The following SCAF8 variants were observed in gnomAD, a reference collection of about 807,000 sequenced individuals.
SCAF8 encodes the protein SR-related and CTD-associated factor 8.
SCAF8 carries 23 observed loss-of-function variants against 140.5 expected under a neutral mutation model. The ratio of observed to expected loss-of-function variants is 0.16; its 90% CI spans 0.12 to 0.23. The LOEUF (loss-of-function observed/expected upper bound fraction) is 0.23. Among genes scored for constraint, SCAF8 ranks in the 10% least tolerant of loss-of-function variants. The pLI is 1.00. For missense variants in SCAF8, 1,397 were observed against 1,555.7 expected, an observed-to-expected ratio of 0.90 and a Z score of 1.72; for synonymous variants, 575 against 528.9, an observed-to-expected ratio of 1.09 and a Z score of -1.20.
intron 1 of SCAF8, among the ~76,000 whole-genome samples, chr6:154,765,925 C>T (rs1449874761): frequency 2.0e-5 from 3 of 152,066 alleles, no homozygotes; most frequent in South Asian, 2.1e-4. Flanking sequence ...CGCCAACCCC[C>T]GTGTAGCTGA....
At chr6:154,817,103 T>C (rs1233305215) in intron 13 of SCAF8, among the ~76,000 whole-genome samples, 1 of 152,200 alleles carries the variant, frequency 6.6e-6, no homozygotes, top group Non-Finnish European at 1.5e-5. Flanking sequence ...CTGAAGTTTC[T>C]TTCTGATTTA....
rs1321002529 is a variant in SCAF8, at chr6:154,808,751, A to C, written c.1179A>C (p.Lys393Asn). 17 of 1,614,014 alleles carry C rather than the reference A, an allele frequency of 1.1e-5. No individual in the cohort carries two copies. The highest frequency in any genetic ancestry group is 1.4e-5 in the Non-Finnish European group (16 of 1,179,916). Residue 393 changes from lysine (K) to asparagine (N), a missense_variant, in exon 11 of 20, where the codon AAA (lysine) becomes AAC (asparagine). This residue lies in a region of SCAF8 where 339 missense variants were observed against 407.5 expected (regional missense o/e 0.83). Coordinates refer to ENST00000367178, the MANE Select transcript of SCAF8 (RefSeq NM_014892.5). ...EEEVFEQEAKKVAVRSRSRTH... is the reference protein window; with the variant it reads ...EEEVFEQEAKNVAVRSRSRTH... ...AGGTCTTTGAACAAGAAGCTAAGAAAGTGGCGGTTCGCTCAAGATCAAGAA... is the reference window on the plus strand; with the variant it reads ...AGGTCTTTGAACAAGAAGCTAAGAACGTGGCGGTTCGCTCAAGATCAAGAA...
intron 1 of SCAF8, among the ~76,000 whole-genome samples, chr6:154,752,973 T>C (rs901807455): frequency 1.3e-5 from 2 of 152,172 alleles, no homozygotes; most frequent in African/African-American, 4.8e-5. Context: ...AAGAACCAGT[T>C]TTAAGCAGTA....
chr6:154,823,540 T>C (rs975321079), intron 16 of SCAF8, among the ~76,000 whole-genome samples: 6 of 152,000 alleles, frequency 3.9e-5, no homozygotes, highest in Admixed American at 2.0e-4. Flanking sequence ...CCTGGTACGA[T>C]TGGATTTGGG....
intron 1 of SCAF8, among the ~76,000 whole-genome samples, chr6:154,735,639 G>A (rs905507848): frequency 7.3e-5 from 11 of 150,268 alleles, no homozygotes; most frequent in African/African-American, 2.7e-4. Context: ...TCAGTGTCCC[G>A]AGTAGCTGGG....
intron 1 of SCAF8, among the ~76,000 whole-genome samples, chr6:154,742,870 T>C (rs183103990): frequency 6.6e-6 from 1 of 152,350 alleles, no homozygotes; most frequent in Admixed American, 6.5e-5. Flanking sequence ...ATAGATTGAC[T>C]TGAAAGATGT....
At chr6:154,812,561 A>T (rs1473567601) in intron 12 of SCAF8, among the ~76,000 whole-genome samples, 5 of 152,120 alleles carry the variant, frequency 3.3e-5, no homozygotes, top group Admixed American at 3.3e-4. Context: ...AACTCTCCTT[A>T]TTCAAAAGCA....
chr6:154,823,015 A>G (rs1778464669), intron 16 of SCAF8, among the ~76,000 whole-genome samples: 1 of 152,194 alleles, frequency 6.6e-6, no homozygotes, highest in South Asian at 2.1e-4. Context: ...AGAATGAGAA[A>G]TTTGAGCAAT....
At chr6:154,757,308 T>C (rs1334942717) in intron 1 of SCAF8, among the ~76,000 whole-genome samples, 2 of 152,192 alleles carry the variant, frequency 1.3e-5, no homozygotes, top group African/African-American at 4.8e-5. Flanking sequence ...AAATATACTT[T>C]TTATACCTAT....
At chr6:154,758,924 A>G (rs971838735) in intron 1 of SCAF8, among the ~76,000 whole-genome samples, 2 of 152,076 alleles carry the variant, frequency 1.3e-5, no homozygotes, top group Non-Finnish European at 2.9e-5. Context: ...GGTTTCTCCT[A>G]GTGTTTTTCC....
intron 1 of SCAF8, among the ~76,000 whole-genome samples, chr6:154,765,653 A>T (rs1300760317): frequency 6.6e-6 from 1 of 151,476 alleles, no homozygotes; most frequent in Non-Finnish European, 1.5e-5. Context: ...GATAAAAAGT[A>T]AGCACCAAGC....
chr6:154,805,361 C>T lies in SCAF8; in HGVS notation c.864-8C>T, dbSNP rs1263407941. 3 of 1,528,888 alleles carry T rather than the reference C, an allele frequency of 2.0e-6. No homozygotes were observed. Among genetic ancestry groups the T allele is most frequent in the East Asian group, 2.3e-5 (1 of 44,266 alleles). 94.7% of individuals were successfully genotyped at this position (1,528,888 alleles called of 1,614,324 possible). On this transcript the variant is annotated splice_region_variant and splice_polypyrimidine_tract_variant and intron_variant, in intron 8 of 19. Transcript: ENST00000367178. ...TTAAAATATGTTTCCACCTGTTTTT[C>T]CTTTTAGTTCTCACGTTTCAGAATC...
chr6:154,828,157 G>C (rs1778623770), intron 18 of SCAF8, among the ~76,000 whole-genome samples: 1 of 152,170 alleles, frequency 6.6e-6, no homozygotes, highest in African/African-American at 2.4e-5. Flanking sequence ...TTCATCCATT[G>C]ATCATTGTTT....
At chr6:154,767,290 C>T (rs754735304) in intron 1 of SCAF8, among the ~76,000 whole-genome samples, 1 of 152,066 alleles carries the variant, frequency 6.6e-6, no homozygotes, top group Non-Finnish European at 1.5e-5. Flanking sequence ...ACTGCATTTG[C>T]ACAAAACAGT....
intron 13 of SCAF8, among the ~76,000 whole-genome samples, chr6:154,816,858 A>G (rs530118245): frequency 4.6e-5 from 7 of 152,154 alleles, no homozygotes; most frequent in African/African-American, 1.7e-4. Context: ...TTGGAGCCTC[A>G]TAAGAAGCTG....
intron 7 of SCAF8, among the ~76,000 whole-genome samples, chr6:154,802,667 T>A (rs1463359866): frequency 1.3e-5 from 2 of 152,132 alleles, no homozygotes; most frequent in Non-Finnish European, 2.9e-5. Flanking sequence ...TAAAATATTT[T>A]CATTTGACTA....
intron 1 of SCAF8, among the ~76,000 whole-genome samples, chr6:154,742,876 G>C (rs1778606464): frequency 6.6e-6 from 1 of 152,166 alleles, no homozygotes; most frequent in Non-Finnish European, 1.5e-5. Flanking sequence ...TGACTTGAAA[G>C]ATGTAGGATT....
chr6:154,815,051 G>A (rs1200303949), intron 12 of SCAF8, among the ~76,000 whole-genome samples: 3 of 152,052 alleles, frequency 2.0e-5, no homozygotes, highest in African/African-American at 4.8e-5. Flanking sequence ...TTATCCCAGC[G>A]CTTTGGGAGG....
chr6:154,802,174 CTA>C, intron 7 of SCAF8, 27 bp downstream of exon 7: 1 of 1,417,416 alleles, frequency 7.1e-7, no homozygotes, highest in Non-Finnish European at 9.6e-7. Flanking sequence ...CGGATCAAGT[CTA>C]TATGAATTAT....
Sources: gnomAD v4.1 joint callset for allele counts (sites outside exome capture counted in the v4.1 genomes callset) on GRCh38, gnomAD v4.1.1 for gene constraint, gnomAD v4.1.1 regional missense constraint, MANE v1.5 for transcripts, NCBI Gene and HGNC (gene_info 2026-07-23, HGNC 2026-07-21) for gene names.